The following RABGAP1L variants were observed in gnomAD, a reference collection of about 807,000 sequenced individuals.
The protein encoded by RABGAP1L is RAB GTPase activating protein 1 like.
A neutral mutation model predicts 137.7 loss-of-function variants in RABGAP1L; 63 were observed. The ratio of observed to expected loss-of-function variants is 0.46; its 90% CI spans 0.37 to 0.56. The LOEUF is 0.56. RABGAP1L is among the 20% of genes least tolerant of loss of function. The pLI is 0.00. For missense variants in RABGAP1L, 1,095 were observed against 1,244.0 expected (o/e 0.88, Z 1.80); for synonymous variants, 431 against 433.7 (o/e 0.99, Z 0.08).
At chr1:174,536,987 A>G (rs1664944861) in intron 13 of RABGAP1L, among the ~76,000 whole-genome samples, 1 of 152,194 alleles carries the variant, frequency 6.6e-6, no homozygotes, top group Non-Finnish European at 1.5e-5. Flanking sequence ...GAGCATAAGT[A>G]GATACTGACA....
intron 19 of RABGAP1L, among the ~76,000 whole-genome samples, chr1:174,848,876 C>A (rs1425887805): frequency 3.9e-4 from 55 of 140,542 alleles, no homozygotes; most frequent in Non-Finnish European, 6.9e-4. Context: ...TAGCAATCAG[C>A]GAGATTCCGT....
intron 19 of RABGAP1L, among the ~76,000 whole-genome samples, chr1:174,903,238 G>A (rs1038731722): frequency 6.6e-6 from 1 of 152,262 alleles, no homozygotes; most frequent in South Asian, 2.1e-4. Flanking sequence ...CTTCACCTGG[G>A]TGCCTAAAGC....
intron 19 of RABGAP1L, among the ~76,000 whole-genome samples, chr1:174,924,000 G>C (rs1231440723): frequency 6.6e-6 from 1 of 152,110 alleles, no homozygotes; most frequent in Non-Finnish European, 1.5e-5. Context: ...GTTTCATTAG[G>C]AGATGCAAAT....
chr1:174,567,112 A>C (rs188179869), intron 13 of RABGAP1L, among the ~76,000 whole-genome samples: 1 of 152,132 alleles, frequency 6.6e-6, no homozygotes, highest in South Asian at 2.1e-4. Flanking sequence ...CATTACCACT[A>C]TCTATATCCA....
intron 13 of RABGAP1L, among the ~76,000 whole-genome samples, chr1:174,571,234 T>G (rs1012002382): frequency 2.0e-5 from 3 of 151,872 alleles, no homozygotes; most frequent in Non-Finnish European, 4.4e-5. Context: ...ATTGAACTCA[T>G]AGAGAGAGAA....
intron 13 of RABGAP1L, among the ~76,000 whole-genome samples, chr1:174,597,804 T>C (rs1444475079): frequency 2.0e-5 from 3 of 152,246 alleles, no homozygotes; most frequent in Non-Finnish European, 4.4e-5. Flanking sequence ...AACTTTGCTC[T>C]CAGTATTGCT....
intron 13 of RABGAP1L, among the ~76,000 whole-genome samples, chr1:174,629,218 C>G (rs761846305): frequency 6.6e-6 from 1 of 152,136 alleles, no homozygotes; most frequent in Non-Finnish European, 1.5e-5. Flanking sequence ...TTTCTACTCT[C>G]AACTGTTATG....
At chr1:174,386,501 G>T (rs1368932239) in intron 12 of RABGAP1L, among the ~76,000 whole-genome samples, 1 of 151,296 alleles carries the variant, frequency 6.6e-6, no homozygotes, top group Non-Finnish European at 1.5e-5. Context: ...GTTTGTGTGT[G>T]TTTGTGTTTT....
intron 18 of RABGAP1L, among the ~76,000 whole-genome samples, chr1:174,773,152 C>T (rs914833380): frequency 2.4e-5 from 2 of 82,912 alleles, no homozygotes; most frequent in Non-Finnish European, 6.6e-5. Context: ...TTCTTAACTT[C>T]TAAGCTATGG....
chr1:174,490,561 G>T (rs139844293), intron 13 of RABGAP1L, among the ~76,000 whole-genome samples: 2 of 152,240 alleles, frequency 1.3e-5, no homozygotes, highest in African/African-American at 2.4e-5. Context: ...TCAAGGCCCA[G>T]TATAACCACT....
At chr1:174,412,589 G>A (rs141866740) in intron 13 of RABGAP1L, among the ~76,000 whole-genome samples, 157 of 152,218 alleles carry the variant, frequency 1.0e-3, no homozygotes, top group African/African-American at 3.4e-3. Flanking sequence ...TTTTTGGGTA[G>A]AGGAGGTATC....
At chr1:174,688,887 A>G (rs1292742137) in intron 15 of RABGAP1L, among the ~76,000 whole-genome samples, 2 of 152,146 alleles carry the variant, frequency 1.3e-5, no homozygotes, top group Non-Finnish European at 2.9e-5. Context: ...AACAAGCAAA[A>G]CTAAATTCTA....
At chr1:174,893,449 C>G (rs192021710) in intron 19 of RABGAP1L, among the ~76,000 whole-genome samples, 4 of 151,996 alleles carry the variant, frequency 2.6e-5, no homozygotes, top group South Asian at 2.1e-4. Flanking sequence ...AAGACAATCA[C>G]TTGTTAAGAG....
At chr1:174,269,961 T>C (rs533354579) in intron 7 of RABGAP1L, among the ~76,000 whole-genome samples, 2 of 152,292 alleles carry the variant, frequency 1.3e-5, no homozygotes, top group South Asian at 4.1e-4. Flanking sequence ...ACTAATAATA[T>C]CTATCTAATT....
At chr1:174,774,874 G>A (rs1174667243) in intron 18 of RABGAP1L, among the ~76,000 whole-genome samples, 1 of 152,130 alleles carries the variant, frequency 6.6e-6, no homozygotes, top group Non-Finnish European at 1.5e-5. Context: ...GCAAGACCCT[G>A]TCTCAGAAAA....
intron 19 of RABGAP1L, chr1:174,874,358 C>A: frequency 2.0e-6 from 1 of 492,706 alleles, no homozygotes; most frequent in Non-Finnish European, 2.6e-6. Flanking sequence ...TCTCAATTTA[C>A]ATGACCATGA....
intron 7 of RABGAP1L, among the ~76,000 whole-genome samples, chr1:174,264,722 A>T (rs1673901149): frequency 6.6e-6 from 1 of 152,092 alleles, no homozygotes; most frequent in African/African-American, 2.4e-5. Flanking sequence ...ATTAAATCAT[A>T]TTAGTTCTAC....
chr1:174,556,916 C>T (rs1026261773), intron 13 of RABGAP1L, among the ~76,000 whole-genome samples: 10 of 152,180 alleles, frequency 6.6e-5, no homozygotes, highest in Non-Finnish European at 1.2e-4. Flanking sequence ...GAGCATGTCA[C>T]GGAATCTTTC....
intron 20 of RABGAP1L, chr1:174,964,691 T>C (rs1021557793): frequency 1.7e-5 from 14 of 807,276 alleles, no homozygotes; most frequent in Admixed American, 4.3e-5. Context: ...TCATGCAAAC[T>C]GTAAACAGCA....
Sources: gnomAD v4.1 joint callset for allele counts (sites outside exome capture counted in the v4.1 genomes callset) on GRCh38, gnomAD v4.1.1 for gene constraint, MANE v1.5 for transcripts, NCBI Gene and HGNC (gene_info 2026-07-23, HGNC 2026-07-21) for gene names.